The following ZEB2 variants were observed in gnomAD, a reference collection of about 807,000 sequenced individuals.
The protein encoded by ZEB2 is zinc finger E-box-binding homeobox 2.
A neutral mutation model predicts 99.9 loss-of-function variants in ZEB2; 6 were observed. That is an observed-to-expected ratio of 0.06 (90% CI 0.03 to 0.12). The LOEUF is 0.12. ZEB2 is among the 10% of genes least tolerant of loss of function. The probability of loss-of-function intolerance (pLI) is 1.00; values close to 1 mark genes in which losing one functional copy is unlikely to be tolerated. For synonymous variants in ZEB2, 517 were observed against 542.5 expected, an observed-to-expected ratio of 0.95 and a Z score of 0.65; for missense variants, 969 against 1,502.8, an observed-to-expected ratio of 0.64 and a Z score of 5.87.
intron 2 of ZEB2, among the ~76,000 whole-genome samples, chr2:144,455,417 A>G (rs890584): frequency 1 from 152,272 of 152,300 alleles, 76,122 homozygotes; most frequent in Middle Eastern, 1. Flanking sequence ...AAAATTTACA[A>G]GCTGACTATC....
chr2:144,434,307 T>C (rs1703810112), intron 2 of ZEB2, among the ~76,000 whole-genome samples: 1 of 152,176 alleles, frequency 6.6e-6, no homozygotes, highest in South Asian at 2.1e-4. Flanking sequence ...ACCCACAATG[T>C]GGCAAATCCA....
chr2:144,488,616 A>T (rs1457272638), intron 2 of ZEB2, among the ~76,000 whole-genome samples: 1 of 151,978 alleles, frequency 6.6e-6, no homozygotes, highest in Non-Finnish European at 1.5e-5. Flanking sequence ...TTGCTTAAAT[A>T]ACACTTTAAG....
At chr2:144,465,564 A>T (rs1704260155) in intron 2 of ZEB2, among the ~76,000 whole-genome samples, 1 of 152,104 alleles carries the variant, frequency 6.6e-6, no homozygotes, top group Non-Finnish European at 1.5e-5. Context: ...CTGCAGGGCA[A>T]CTTTGGCATA....
chr2:144,486,840 A>G lies in ZEB2; in HGVS notation c.73+30438T>C, dbSNP rs1474898365. On this transcript the variant is annotated intron_variant, in intron 2 of 9. Transcript: ENST00000627532. ...AAGCACAAAACTAAACAAAAACCTA[A>G]GAATTTTTCTTGGCCCCATTACAAA... 2.0e-5 allele frequency among the ~76,000 whole-genome samples: 3 copies of G among 152,204 alleles called. No individual in the cohort carries two copies. In the East Asian group the frequency reaches 5.8e-4, roughly 29 times the overall value.
chr2:144,431,665 C>A (rs531245887), intron 2 of ZEB2, among the ~76,000 whole-genome samples: 1 of 151,582 alleles, frequency 6.6e-6, no homozygotes, highest in East Asian at 1.9e-4. Flanking sequence ...GCCCTCAGAT[C>A]TACAAAAAGA....
intron 2 of ZEB2, among the ~76,000 whole-genome samples, chr2:144,435,960 A>T (rs1172240907): frequency 6.7e-6 from 1 of 149,270 alleles, no homozygotes; most frequent in East Asian, 1.9e-4. Flanking sequence ...TTACCTTGTT[A>T]CCTCCGTGCT....
rs116822539 is a variant in ZEB2 at position 144,456,026 on chromosome 2, T to C, written c.74-26000A>G. 3.4e-3 allele frequency among the ~76,000 whole-genome samples: 523 copies of C among 152,300 alleles called. 4 individuals are homozygous for C. Among genetic ancestry groups the C allele is most frequent in the African/African-American group, 0.012 (504 of 41,574 alleles). On this transcript the variant is annotated intron_variant, in intron 2 of 9. Transcript: ENST00000627532. ...ATGAATACAGATATTGCAACTCTTA[T>C]AAGAACTTAAAGATGGCGAACTCAG...
At chr2:144,395,892 C>T (rs934556385) in intron 9 of ZEB2, among the ~76,000 whole-genome samples, 1 of 151,928 alleles carries the variant, frequency 6.6e-6, no homozygotes, top group Non-Finnish European at 1.5e-5. Context: ...AGTAGCTCAT[C>T]TGATCTATTA....
At position 144,405,314 on chromosome 2, in the gene ZEB2, T is replaced by C. The variant is rs189361227; in HGVS notation, c.404-290A>G. 2.2e-4 allele frequency: 79 copies of C among 367,098 alleles called. No individual in the cohort carries two copies. The Middle Eastern group carries it at 3.1e-3, about 14-fold the overall frequency. The allele number at this position is 367,098 out of a possible 1,614,324, so 22.7% of individuals were successfully genotyped here. On this transcript the variant is annotated intron_variant, in intron 4 of 9. Transcript: ENST00000627532. ...GAATGAAAGAAATTTAAAATGTTTT[T>C]CATAAATTTTTTTTAAAAAGCCAAC...
At chr2:144,402,104 A>G (rs1385493364) in intron 6 of ZEB2, among the ~76,000 whole-genome samples, 1 of 152,184 alleles carries the variant, frequency 6.6e-6, no homozygotes, top group East Asian at 1.9e-4. Flanking sequence ...AAAAAGGAAA[A>G]AAAGTTTCCT....
chr2:144,509,942 A>G (rs1705007206), intron 2 of ZEB2, among the ~76,000 whole-genome samples: 1 of 152,168 alleles, frequency 6.6e-6, no homozygotes, highest in Non-Finnish European at 1.5e-5. Flanking sequence ...TCACAAGAGA[A>G]CGTGAATACC....
At chr2:144,508,186 C>T (rs911536609) in intron 2 of ZEB2, among the ~76,000 whole-genome samples, 31 of 152,268 alleles carry the variant, frequency 2.0e-4, no homozygotes, top group African/African-American at 6.5e-4. Flanking sequence ...TGGCGCTGCC[C>T]GGGCCCCCGA....
intron 2 of ZEB2, among the ~76,000 whole-genome samples, chr2:144,478,042 C>CAT (rs888742994): frequency 1.3e-5 from 2 of 152,138 alleles, no homozygotes; most frequent in African/African-American, 2.4e-5. Context: ...TCCCGTCACC[C>CAT]ATGGATGCCC....
At chr2:144,441,708 T>C (rs2149896260) in intron 2 of ZEB2, among the ~76,000 whole-genome samples, 1 of 152,296 alleles carries the variant, frequency 6.6e-6, no homozygotes, top group South Asian at 2.1e-4. Flanking sequence ...TGTTTTAGAC[T>C]AAGCCACCTT....
chr2:144,438,047 T>C (rs1703860261), intron 2 of ZEB2, among the ~76,000 whole-genome samples: 1 of 152,172 alleles, frequency 6.6e-6, no homozygotes. Context: ...TCAAAAACCT[T>C]AGCATGAACC....
chr2:144,414,933 C>T (rs1429156776), intron 4 of ZEB2, among the ~76,000 whole-genome samples: 1 of 133,188 alleles, frequency 7.5e-6, no homozygotes, highest in African/African-American at 2.9e-5. Flanking sequence ...AGTTAAAATG[C>T]CCACTTCAGA....
intron 2 of ZEB2, among the ~76,000 whole-genome samples, chr2:144,466,265 G>A (rs1487032406): frequency 6.6e-6 from 1 of 152,064 alleles, no homozygotes; most frequent in Non-Finnish European, 1.5e-5. Context: ...CGTGCATACT[G>A]TTTCTTCATT....
intron 2 of ZEB2, among the ~76,000 whole-genome samples, chr2:144,500,312 T>G (rs1267319170): frequency 6.6e-6 from 1 of 152,240 alleles, no homozygotes; most frequent in Non-Finnish European, 1.5e-5. Flanking sequence ...TGTAGATGAA[T>G]GATGATTTTT....
At chr2:144,390,122 C>T in intron 9 of ZEB2, 94 bp from the exon 10 acceptor site, 2 of 1,283,264 alleles carry the variant, frequency 1.6e-6, no homozygotes, top group Non-Finnish European at 2.2e-6. Context: ...CAGGCATAAG[C>T]GTGTGTACTT....
Sources: gnomAD v4.1 joint callset for allele counts (sites outside exome capture counted in the v4.1 genomes callset) on GRCh38, gnomAD v4.1.1 for gene constraint, MANE v1.5 for transcripts, NCBI Gene and HGNC (gene_info 2026-07-23, HGNC 2026-07-21) for gene names.